The following XKR9 variants were observed in gnomAD, a reference collection of about 807,000 sequenced individuals.
XKR9 encodes XK related 9.
XKR9 carries 32 observed loss-of-function variants against 32.0 expected under a neutral mutation model. That is an observed-to-expected ratio of 1.00 (90% CI 0.76 to 1.34). XKR9 has a LOEUF of 1.34. Ranked by LOEUF, XKR9 falls within the 40% of genes most tolerant of loss-of-function variation. The pLI, the probability that XKR9 is intolerant of heterozygous loss-of-function variation, is 0.00. For missense variants in XKR9, 546 were observed against 429.7 expected (o/e 1.27, Z -2.39); for synonymous variants, 168 against 143.4 (o/e 1.17, Z -1.22).
chr8:70,698,810 G>T (rs1297168131), intron 3 of XKR9, among the ~76,000 whole-genome samples: 11 of 152,096 alleles, frequency 7.2e-5, no homozygotes, highest in Admixed American at 7.2e-4. Flanking sequence ...TTATTATTGT[G>T]TGGGAATCTA....
chr8:71,003,040 C>CG, the XKR9 span, among the ~76,000 whole-genome samples: 2 of 152,234 alleles, frequency 1.3e-5, no homozygotes, highest in Non-Finnish European at 2.9e-5. Context: ...ACCCCTTCAA[C>CG]AATTTTCAAG....
At chr8:70,868,575 A>G in the XKR9 span, among the ~76,000 whole-genome samples, 2 of 152,056 alleles carry the variant, frequency 1.3e-5, no homozygotes, top group Non-Finnish European at 2.9e-5. Flanking sequence ...TAGGCTGCAC[A>G]TAGCACGAGG....
the XKR9 span, among the ~76,000 whole-genome samples, chr8:70,864,342 A>T: frequency 6.6e-6 from 1 of 152,286 alleles, no homozygotes; most frequent in Non-Finnish European, 1.5e-5. Context: ...TAGCCTTTTC[A>T]CCCTGTCTTT....
At chr8:70,892,099 C>T in the XKR9 span, among the ~76,000 whole-genome samples, 1 of 152,108 alleles carries the variant, frequency 6.6e-6, no homozygotes, top group Non-Finnish European at 1.5e-5. Flanking sequence ...TTTCCATTTG[C>T]ATGGAATATC....
the XKR9 span, among the ~76,000 whole-genome samples, chr8:70,829,659 G>A: frequency 9.9e-5 from 15 of 152,134 alleles, 1 homozygote; most frequent in South Asian, 2.5e-3. Context: ...TGTGTTAGCC[G>A]GGATGGTCTC....
At chr8:70,756,447 G>A (rs986376635) in intron 2 of XKR9, among the ~76,000 whole-genome samples, 8 of 152,186 alleles carry the variant, frequency 5.3e-5, no homozygotes, top group African/African-American at 1.7e-4. Context: ...CTATGGATCA[G>A]TTTGGGGAAT....
chr8:70,940,498 G>C, the XKR9 span, among the ~76,000 whole-genome samples: 1 of 151,978 alleles, frequency 6.6e-6, no homozygotes, highest in Non-Finnish European at 1.5e-5. Context: ...GCAAGACAGG[G>C]TTAATTATAC....
chr8:70,674,002 A>G (rs1389212169), intron 1 of XKR9, among the ~76,000 whole-genome samples: 1 of 152,148 alleles, frequency 6.6e-6, no homozygotes, highest in Non-Finnish European at 1.5e-5. Flanking sequence ...TGAAGGAGAT[A>G]CTTTTAAAGT....
chr8:70,872,764 G>A, the XKR9 span, among the ~76,000 whole-genome samples: 2 of 152,064 alleles, frequency 1.3e-5, no homozygotes, highest in African/African-American at 4.8e-5. Context: ...AGGTGCAAGC[G>A]ATTCTCCTGC....
At chr8:70,853,262 G>A in the XKR9 span, among the ~76,000 whole-genome samples, 1 of 151,980 alleles carries the variant, frequency 6.6e-6, no homozygotes, top group Non-Finnish European at 1.5e-5. Flanking sequence ...ATGGCAGTGA[G>A]GCGTGGGGTG....
intron 2 of XKR9, among the ~76,000 whole-genome samples, chr8:70,769,043 G>C (rs900652451): frequency 6.6e-6 from 1 of 151,994 alleles, no homozygotes; most frequent in Non-Finnish European, 1.5e-5. Context: ...ATATATTTTG[G>C]TATGTTTTTA....
At chr8:70,918,084 G>A in the XKR9 span, among the ~76,000 whole-genome samples, 1 of 152,206 alleles carries the variant, frequency 6.6e-6, no homozygotes, top group Non-Finnish European at 1.5e-5. Flanking sequence ...CAGTGAGAAA[G>A]TTCTTCTGCT....
At chr8:70,871,654 T>C in the XKR9 span, among the ~76,000 whole-genome samples, 1 of 152,128 alleles carries the variant, frequency 6.6e-6, no homozygotes, top group Non-Finnish European at 1.5e-5. Context: ...ATCTCCTTGC[T>C]TCTCCTTGGG....
chr8:71,020,227 TTTAG>T, the XKR9 span, among the ~76,000 whole-genome samples: 1 of 152,224 alleles, frequency 6.6e-6, no homozygotes, highest in Non-Finnish European at 1.5e-5. Context: ...GCCTGCCTGG[TTTAG>T]TTAGTTGAGC....
intron 4 of XKR9, among the ~76,000 whole-genome samples, chr8:70,718,767 T>A (rs1806175711): frequency 6.6e-6 from 1 of 152,204 alleles, no homozygotes; most frequent in Admixed American, 6.5e-5. Flanking sequence ...TAGGAAATAG[T>A]GCTGCAATAA....
At chr8:70,978,178 C>T in the XKR9 span, among the ~76,000 whole-genome samples, 424 of 152,260 alleles carry the variant, frequency 2.8e-3, 5 homozygotes, top group African/African-American at 9.7e-3. Context: ...TGGGTCTTGA[C>T]TCTTTATCCA....
the XKR9 span, among the ~76,000 whole-genome samples, chr8:70,950,031 A>C: frequency 6.6e-6 from 1 of 152,198 alleles, no homozygotes; most frequent in African/African-American, 2.4e-5. Flanking sequence ...AGCCTTTCGC[A>C]TTCCAGCATA....
chr8:70,880,674 A>G, the XKR9 span, among the ~76,000 whole-genome samples: 2 of 152,226 alleles, frequency 1.3e-5, no homozygotes, highest in African/African-American at 2.4e-5. Context: ...AAGAATCAAT[A>G]TCATGAAAAT....
chr8:70,880,811 C>T, the XKR9 span, among the ~76,000 whole-genome samples: 2 of 152,070 alleles, frequency 1.3e-5, no homozygotes, highest in African/African-American at 4.8e-5. Context: ...CCCGTATAAC[C>T]AAGACAATCC....
Sources: gnomAD v4.1 joint callset for allele counts (sites outside exome capture counted in the v4.1 genomes callset) on GRCh38, gnomAD v4.1.1 for gene constraint, MANE v1.5 for transcripts, NCBI Gene and HGNC (gene_info 2026-07-23, HGNC 2026-07-21) for gene names.